The following MARK3 variants were observed in gnomAD, a reference collection of about 807,000 sequenced individuals.
The protein encoded by MARK3 is MAP/microtubule affinity-regulating kinase 3.
In MARK3, 46 loss-of-function variants were observed where a neutral mutation model predicts 90.1. The observed-to-expected ratio is 0.51, with a 90% CI of 0.40 to 0.65. MARK3 has a LOEUF of 0.65. Among genes scored for constraint, MARK3 ranks in the 30% least tolerant of loss-of-function variants. The pLI, the probability that MARK3 is intolerant of heterozygous loss-of-function variation, is 0.00. For missense variants in MARK3, 818 were observed against 947.2 expected, an observed-to-expected ratio of 0.86 and a Z score of 1.79; for synonymous variants, 321 against 332.6, an observed-to-expected ratio of 0.97 and a Z score of 0.38.
intron 3 of MARK3, among the ~76,000 whole-genome samples, chr14:103,440,876 C>T (rs1489907800): frequency 2.1e-5 from 3 of 145,142 alleles, no homozygotes; most frequent in African/African-American, 7.7e-5. Flanking sequence ...TTTACAGCTG[C>T]GGTGAGCTGT....
intron 13 of MARK3, among the ~76,000 whole-genome samples, chr14:103,478,579 C>T (rs2093760549): frequency 6.6e-6 from 1 of 151,422 alleles, no homozygotes; most frequent in Non-Finnish European, 1.5e-5. Flanking sequence ...CATTTCGCTC[C>T]TGTTGCCCAG....
rs1328068732 is a variant in MARK3 at position 103,503,067 on chromosome 14, T to A, written c.2102T>A (p.Val701Asp). 3 of 1,614,248 alleles carry A rather than the reference T, an allele frequency of 1.9e-6. No individual in the cohort carries two copies. In the East Asian group the frequency reaches 6.7e-5, roughly 36 times the overall value. The change falls in exon 18 of 18, where the codon GTC (valine) becomes GAC (aspartate). Residue 701 changes from valine to aspartate, a missense_variant. Val to Asp is a radical substitution (Grantham distance 152, BLOSUM62 -3). Transcript: ENST00000429436. The part of the protein sequence containing the change: ...EQRERFLLFC[V>D]HGDGHAENLV... ...AGGGAGCGCTTCTTGCTCTTCTGCG[T>A]CCACGGAGATGGGCACGCGGAGAAC... is the stretch of plus-strand genomic sequence containing the variant.
intron 3 of MARK3, among the ~76,000 whole-genome samples, chr14:103,431,407 G>T (rs575754304): frequency 7.2e-4 from 110 of 152,202 alleles, no homozygotes; most frequent in Non-Finnish European, 1.4e-3. Flanking sequence ...AAGGTGTGTG[G>T]ATCACTTGAG....
intron 2 of MARK3, among the ~76,000 whole-genome samples, chr14:103,405,481 G>A (rs905865954): frequency 6.6e-6 from 1 of 152,102 alleles, no homozygotes; most frequent in African/African-American, 2.4e-5. Context: ...CTCCCGAGTA[G>A]CTGGCAGTAC....
chr14:103,498,981 A>G (rs554724391), intron 16 of MARK3: 1 of 152,386 alleles, frequency 6.6e-6, no homozygotes, highest in African/African-American at 2.4e-5. Flanking sequence ...AAATTAGCTA[A>G]TACAGAAAAC....
At chr14:103,405,670 C>A (rs561449501) in intron 2 of MARK3, among the ~76,000 whole-genome samples, 2 of 151,756 alleles carry the variant, frequency 1.3e-5, no homozygotes, top group African/African-American at 4.8e-5. Flanking sequence ...ACATGTATTA[C>A]ATGTCAAGTT....
At chr14:103,465,833 G>A in intron 8 of MARK3, 40 bp downstream of exon 8, 2 of 1,572,518 alleles carry the variant, frequency 1.3e-6, no homozygotes, top group African/African-American at 2.7e-5. Flanking sequence ...TAAACTAAAA[G>A]AAGTTTCCTA....
intron 2 of MARK3, among the ~76,000 whole-genome samples, chr14:103,422,681 T>A (rs116842886): frequency 0.01 from 1,591 of 152,294 alleles, 13 homozygotes; most frequent in Non-Finnish European, 0.016. Context: ...ATAGGTTTTG[T>A]CTGTTTGTTG....
At chr14:103,409,903 C>T (rs753007791) in intron 2 of MARK3, among the ~76,000 whole-genome samples, 3 of 152,114 alleles carry the variant, frequency 2.0e-5, no homozygotes, top group South Asian at 2.1e-4. Context: ...TTTAGCATTG[C>T]GTGTCCTTGT....
At chr14:103,407,446 G>A (rs577470416) in intron 2 of MARK3, among the ~76,000 whole-genome samples, 1 of 151,490 alleles carries the variant, frequency 6.6e-6, no homozygotes, top group Admixed American at 6.6e-5. Context: ...TTTGTGAAAT[G>A]GCTTTCTGCT....
Position 103,468,314 on chromosome 14 carries a change from C to CTTCTTTTTTTTTTTTTTTTTTTTTTTTTT in MARK3, c.1264+130_1264+131insCTTTTTTTTTTTTTTTTTTTTTTTTTTTT, listed in dbSNP as rs1555395510. 3.5e-5 allele frequency: 4 copies of CTTCTTTTTTTTTTTTTTTTTTTTTTTTTT among 113,946 alleles called. 2 individuals carry two copies. The allele number at this position is 113,946 out of a possible 1,614,324, so 7.1% of individuals were successfully genotyped here. A position where few individuals can be genotyped will look rare whatever the true frequency, so the allele number is the denominator to read the frequency against. On this transcript the variant is annotated intron_variant, in intron 12 of 17. Transcript: ENST00000429436. ...CTTGGCATTGCTTTCTTTCTTTCTTCTTTTTTTTTTTTTTTTTTTTTTTTT... is the reference window on the plus strand; with the variant it reads ...CTTGGCATTGCTTTCTTTCTTTCTTCTTCTTTTTTTTTTTTTTTTTTTTTTTTTTTTTTTTTTTTTTTTTTTTTTTTTTT...
intron 15 of MARK3, among the ~76,000 whole-genome samples, chr14:103,496,661 C>T (rs557924641): frequency 6.6e-6 from 1 of 152,138 alleles, no homozygotes; most frequent in Non-Finnish European, 1.5e-5. Context: ...GATCCGCCCA[C>T]CTCAGCCTCC....
intron 1 of MARK3, among the ~76,000 whole-genome samples, chr14:103,392,896 G>A (rs946390257): frequency 1.3e-5 from 2 of 151,230 alleles, no homozygotes; most frequent in Admixed American, 6.6e-5. Context: ...TGCAACCTCC[G>A]CCTCCCGGGT....
At chr14:103,455,938 A>T (rs1250695414) in intron 5 of MARK3, among the ~76,000 whole-genome samples, 1 of 152,250 alleles carries the variant, frequency 6.6e-6, no homozygotes, top group Non-Finnish European at 1.5e-5. Flanking sequence ...TGTATGAAGT[A>T]AAGATGTTTC....
At chr14:103,449,969 G>A (rs1222239303) in intron 4 of MARK3, among the ~76,000 whole-genome samples, 2 of 152,154 alleles carry the variant, frequency 1.3e-5, no homozygotes, top group Non-Finnish European at 2.9e-5. Context: ...GAGTAACACA[G>A]AACCACCACA....
At chr14:103,484,339 G>T (rs892544774) in intron 14 of MARK3, among the ~76,000 whole-genome samples, 29 of 151,968 alleles carry the variant, frequency 1.9e-4, no homozygotes, top group African/African-American at 6.8e-4. Context: ...ACCACACCTG[G>T]CTGATTTTTG....
chr14:103,391,389 A>T (rs2090230580), intron 1 of MARK3, among the ~76,000 whole-genome samples: 1 of 152,194 alleles, frequency 6.6e-6, no homozygotes, highest in South Asian at 2.1e-4. Flanking sequence ...GAAGAGATAA[A>T]GCCTGTTTTA....
intron 5 of MARK3, among the ~76,000 whole-genome samples, chr14:103,453,212 T>A (rs1184609697): frequency 6.6e-6 from 1 of 152,212 alleles, no homozygotes. Flanking sequence ...TGGGCTGGGT[T>A]TGTAGTTTGC....
intron 6 of MARK3, among the ~76,000 whole-genome samples, chr14:103,460,263 A>G (rs1022581908): frequency 5.0e-4 from 76 of 151,206 alleles, no homozygotes; most frequent in African/African-American, 1.8e-3. Flanking sequence ...TTTTTTGTAT[A>G]TTTAGTAGAG....
Sources: gnomAD v4.1 joint callset for allele counts (sites outside exome capture counted in the v4.1 genomes callset) on GRCh38, gnomAD v4.1.1 for gene constraint, MANE v1.5 for transcripts, NCBI Gene and HGNC (gene_info 2026-07-23, HGNC 2026-07-21) for gene names.